KIAA0825: variants seen among roughly 807,000 people sequenced by gnomAD.
KIAA0825 encodes KIAA0825.
A neutral mutation model predicts 147.6 loss-of-function variants in KIAA0825; 119 were observed. The ratio of observed to expected loss-of-function variants is 0.81; its 90% CI spans 0.69 to 0.94. KIAA0825 has a LOEUF of 0.94. KIAA0825 is among the 40% of genes least tolerant of loss of function. KIAA0825 has a pLI of 0.00. For synonymous variants in KIAA0825, 470 were observed against 518.1 expected, an observed-to-expected ratio of 0.91 and a Z score of 1.26; for missense variants, 1,381 against 1,472.7, an observed-to-expected ratio of 0.94 and a Z score of 1.02.
chr5:94,390,175 T>A (rs1432777651), intron 18 of KIAA0825, among the ~76,000 whole-genome samples: 1 of 152,154 alleles, frequency 6.6e-6, no homozygotes, highest in Non-Finnish European at 1.5e-5. Flanking sequence ...TTATTGGTGA[T>A]TATTGAGCTT....
At chr5:94,288,480 A>G (rs1001108692) in intron 20 of KIAA0825, among the ~76,000 whole-genome samples, 2 of 152,200 alleles carry the variant, frequency 1.3e-5, no homozygotes, top group African/African-American at 4.8e-5. Flanking sequence ...ACACTGGAAG[A>G]AAGCTTTGAG....
chr5:94,341,598 A>T (rs1782392669), intron 20 of KIAA0825, among the ~76,000 whole-genome samples: 1 of 152,170 alleles, frequency 6.6e-6, no homozygotes, highest in African/African-American at 2.4e-5. Flanking sequence ...GAAACTGAAG[A>T]TGTGTTAGCA....
At chr5:94,391,791 A>G (rs1226222901) in intron 17 of KIAA0825, 97 bp from the exon 18 acceptor site, 3 of 1,042,914 alleles carry the variant, frequency 2.9e-6, no homozygotes, top group Non-Finnish European at 4.0e-6. Context: ...TGTAAATCTC[A>G]GATTCAAAGC....
At position 94,371,551 on chromosome 5, in the gene KIAA0825, G is replaced by C. The variant is rs1030212744; in HGVS notation, c.3710+12817C>G. Among the ~76,000 whole-genome samples, 4 of 152,236 alleles carry C rather than the reference G, an allele frequency of 2.6e-5. No homozygotes were observed. The South Asian group carries it at 8.3e-4, about 32-fold the overall frequency. On this transcript the variant is annotated intron_variant, in intron 20 of 20. Transcript: ENST00000682413. Reference sequence around the variant, plus strand: ...AGAGAGAAGAATGAGAGCCGAGCGAGGGGGGAAGCCCCTTATTAAACCATC... The same window carrying C: ...AGAGAGAAGAATGAGAGCCGAGCGACGGGGGAAGCCCCTTATTAAACCATC...
At chr5:94,283,969 A>G (rs1777564014) in intron 20 of KIAA0825, among the ~76,000 whole-genome samples, 1 of 152,206 alleles carries the variant, frequency 6.6e-6, no homozygotes, top group East Asian at 1.9e-4. Context: ...TCTATTACAC[A>G]CTGAATGCGA....
intron 10 of KIAA0825, among the ~76,000 whole-genome samples, chr5:94,467,254 C>T (rs888900419): frequency 1.3e-5 from 2 of 152,168 alleles, no homozygotes; most frequent in Non-Finnish European, 2.9e-5. Flanking sequence ...TTTCATTAAA[C>T]TAAATGTGGT....
At chr5:94,452,904 A>C in intron 13 of KIAA0825, 55 bp downstream of exon 13, 2 of 966,752 alleles carry the variant, frequency 2.1e-6, no homozygotes, top group Non-Finnish European at 2.9e-6. Flanking sequence ...AATTTCTATT[A>C]AATTTTAAAA....
rs143747920 is a variant in KIAA0825, at chr5:94,524,169, C to T, written c.132-71G>A. On this transcript the variant is annotated intron_variant, in intron 3 of 20. Coordinates refer to ENST00000682413, the MANE Select transcript of KIAA0825 (RefSeq NM_001145678.3). ...TGGCTTCATTTCATAATATCACAGG[C>T]CCTGAAATCTTCATATGTGGTACCT... 9.7e-5 allele frequency: 92 copies of T among 948,010 alleles called. No individual in the cohort carries two copies. The Middle Eastern group carries it at 1.1e-3, about 11-fold the overall frequency. The allele number at this position is 948,010 out of a possible 1,614,324, so 58.7% of individuals were successfully genotyped here. A position where few individuals can be genotyped will look rare whatever the true frequency, so the allele number is the denominator to read the frequency against.
At chr5:94,472,306 C>CTT (rs1401877378) in intron 8 of KIAA0825, among the ~76,000 whole-genome samples, 1 of 152,072 alleles carries the variant, frequency 6.6e-6, no homozygotes, top group African/African-American at 2.4e-5. Context: ...TCTTCTCTTC[C>CTT]TTAATGGCAG....
intron 15 of KIAA0825, among the ~76,000 whole-genome samples, chr5:94,408,502 A>ACACTCAGC (rs1271049046): frequency 6.2e-5 from 9 of 145,384 alleles, no homozygotes; most frequent in African/African-American, 2.3e-4. Context: ...ACCCACCACC[A>ACACTCAGC]CACTCAGCTA....
chr5:94,502,652 A>G (rs778836558), intron 5 of KIAA0825, among the ~76,000 whole-genome samples: 2 of 152,206 alleles, frequency 1.3e-5, no homozygotes, highest in African/African-American at 2.4e-5. Flanking sequence ...TTTGTAATAG[A>G]AATGTATCAC....
chr5:94,451,994 T>C (rs901630054), intron 13 of KIAA0825, among the ~76,000 whole-genome samples: 1 of 152,230 alleles, frequency 6.6e-6, no homozygotes, highest in Admixed American at 6.5e-5. Flanking sequence ...GATGGCAAGA[T>C]ATATTTACAC....
Position 94,154,087 on chromosome 5 carries a change from C to G in KIAA0825, c.3748G>C (p.Glu1250Gln), listed in dbSNP as rs748174533. 24 of 1,551,472 alleles carry G rather than the reference C, an allele frequency of 1.5e-5. No individual in the cohort carries two copies. The highest frequency in any genetic ancestry group is 1.7e-4 in the Middle Eastern group (1 of 6,016). Reference sequence around the variant, plus strand: ...TTTAAGTGCTCCAGTATTGCTTTTTCTTCCTCTTCTAGTGTTTCATCCTTC... The same window carrying G: ...TTTAAGTGCTCCAGTATTGCTTTTTGTTCCTCTTCTAGTGTTTCATCCTTC... ...MKKDETLEEE[E>Q]KAILEHLKQI... Residue 1250 changes from glutamate (E) to glutamine (Q), a missense_variant, in exon 21 of 21, where the codon GAA becomes CAA. Transcript: ENST00000682413.
chr5:94,270,925 G>C (rs1233563396), intron 20 of KIAA0825, among the ~76,000 whole-genome samples: 4 of 152,234 alleles, frequency 2.6e-5, no homozygotes, highest in African/African-American at 7.2e-5. Flanking sequence ...TATCCACAAA[G>C]TTGGAATAAT....
intron 20 of KIAA0825, among the ~76,000 whole-genome samples, chr5:94,358,925 T>C (rs1484009876): frequency 6.6e-6 from 1 of 152,218 alleles, no homozygotes; most frequent in Non-Finnish European, 1.5e-5. Flanking sequence ...ATCATTGCTA[T>C]TTTTCTAGTT....
chr5:94,601,042 G>A (rs867524841), intron 1 of KIAA0825, among the ~76,000 whole-genome samples: 7 of 152,102 alleles, frequency 4.6e-5, no homozygotes, highest in African/African-American at 7.2e-5. Flanking sequence ...AACCTGATGC[G>A]GGGGCAGAAA....
At position 94,452,954 on chromosome 5, in the gene KIAA0825, C is replaced by G; in HGVS notation, c.2357+5G>C. 1.4e-6 allele frequency: 2 copies of G among 1,423,370 alleles called. No homozygotes were observed. The highest frequency in any genetic ancestry group is 1.9e-6 in the Non-Finnish European group (2 of 1,062,524). 88.2% of individuals were successfully genotyped at this position (1,423,370 alleles called of 1,614,324 possible). A position where few individuals can be genotyped will look rare whatever the true frequency, so the allele number is the denominator to read the frequency against. On this transcript the variant is annotated splice_donor_5th_base_variant and intron_variant, in intron 13 of 20. Transcript: ENST00000682413. ...ATAGATAGTATGGCATTTAGAGGCTCTCACCTGAGTAAAGAAGGGTAGAAA... is the reference window on the plus strand; with the variant it reads ...ATAGATAGTATGGCATTTAGAGGCTGTCACCTGAGTAAAGAAGGGTAGAAA...
intron 20 of KIAA0825, among the ~76,000 whole-genome samples, chr5:94,289,270 T>G (rs1449946740): frequency 2.6e-5 from 4 of 152,128 alleles, no homozygotes; most frequent in African/African-American, 7.2e-5. Flanking sequence ...GAGTGGTGGC[T>G]CATACCTCTA....
chr5:94,399,188 A>G (rs185715854), intron 16 of KIAA0825, among the ~76,000 whole-genome samples: 95 of 152,268 alleles, frequency 6.2e-4, no homozygotes, highest in Non-Finnish European at 1.8e-4. Flanking sequence ...CTTAACATAT[A>G]GATAAAGCAA....
Sources: allele counts gnomAD v4.1 joint callset (sites outside exome capture counted in the v4.1 genomes callset), GRCh38; gene constraint gnomAD v4.1.1; transcripts MANE v1.5; gene names NCBI Gene and HGNC (gene_info 2026-07-23, HGNC 2026-07-21).